MAML1: variants seen among roughly 807,000 people sequenced by gnomAD.
MAML1 encodes mastermind like transcriptional coactivator 1, also known as mastermind-like protein 1.
A neutral mutation model predicts 77.1 loss-of-function variants in MAML1; 14 were observed. That is an observed-to-expected ratio of 0.18 (90% confidence interval 0.12 to 0.28). The LOEUF is 0.28. MAML1 is among the 10% of genes least tolerant of loss of function. MAML1 has a pLI of 1.00. For synonymous variants in MAML1, 516 were observed against 551.9 expected, an observed-to-expected ratio of 0.93 and a Z score of 0.91; for missense variants, 1,217 against 1,327.8, an observed-to-expected ratio of 0.92 and a Z score of 1.30.
Position 179,743,083 on chromosome 5 carries a change from A to T in MAML1, c.315+9656A>T, listed in dbSNP as rs546238724. ...TTTTTTTTTTTTGAGACAGAGTTTC[A>T]CTCCTGTTGCCCAGGCTGGAGTGCA... On this transcript the variant is annotated intron_variant, in intron 1 of 4. Coordinates refer to ENST00000292599, the MANE Select transcript of MAML1 (RefSeq NM_014757.5). Among the ~76,000 whole-genome samples the T allele has an allele frequency of 4.2e-3, 494 of 118,178 alleles. 3 individuals carry two copies. Among genetic ancestry groups the T allele is most frequent in the African/African-American group, 0.015 (461 of 30,062 alleles). The allele number at this position is 118,178 out of a possible 152,430, so 77.5% of individuals were successfully genotyped here. A position where few individuals can be genotyped will look rare whatever the true frequency, so the allele number is the denominator to read the frequency against.
intron 1 of MAML1, among the ~76,000 whole-genome samples, chr5:179,752,338 A>ATATATATATATATAT (rs1451163108): frequency 7.9e-5 from 4 of 50,326 alleles, no homozygotes; most frequent in Non-Finnish European, 4.7e-5. Context: ...AAAAAAAAAA[A>ATATATATATATATAT]AAAAAAAAAA....
intron 1 of MAML1, among the ~76,000 whole-genome samples, chr5:179,736,126 A>G (rs13171831): frequency 0.93 from 141,786 of 152,252 alleles, 66,880 homozygotes; most frequent in East Asian, 1. Flanking sequence ...TGTTTGTTGA[A>G]TTATTGATAG....
intron 1 of MAML1, among the ~76,000 whole-genome samples, chr5:179,740,447 A>ATT (rs1163199441): frequency 4.1e-5 from 6 of 145,606 alleles, no homozygotes; most frequent in Non-Finnish European, 7.6e-5. Flanking sequence ...ATTTTTTTGT[A>ATT]TTTTTTTTTT....
chr5:179,776,960 T>C lies in MAML1; in HGVS notation c.*2083T>C, dbSNP rs1170772002. Reference sequence around the variant, plus strand: ...TCAGAAGAAAAGGGTGCTCAGACTTTTGTTATACACATTTGCTTTGTGTAA... The same window carrying C: ...TCAGAAGAAAAGGGTGCTCAGACTTCTGTTATACACATTTGCTTTGTGTAA... On this transcript the variant is annotated 3_prime_UTR_variant, in exon 5 of 5. Transcript: ENST00000292599. The C allele has an allele frequency of 9.1e-6, 9 of 985,630 alleles. No individual in the cohort carries two copies. Among genetic ancestry groups the C allele is most frequent in the Non-Finnish European group, 1.1e-5 (9 of 829,802 alleles). The allele number at this position is 985,630 out of a possible 1,614,324, so 61.1% of individuals were successfully genotyped here.
At chr5:179,773,595 C>T (rs1004562850) in intron 4 of MAML1, 4 of 298,576 alleles carry the variant, frequency 1.3e-5, no homozygotes, top group South Asian at 1.3e-4. Context: ...TCAGAGTCCC[C>T]GGTGCCCACC....
At chr5:179,753,208 T>TGC (rs1211607025) in intron 1 of MAML1, among the ~76,000 whole-genome samples, 1 of 119,550 alleles carries the variant, frequency 8.4e-6, no homozygotes, top group African/African-American at 2.8e-5. Context: ...TGTGTGTGTG[T>TGC]GTGTGTGTGT....
At chr5:179,770,415 C>A (rs546775004) in intron 3 of MAML1, among the ~76,000 whole-genome samples, 263 of 152,178 alleles carry the variant, frequency 1.7e-3, no homozygotes, top group African/African-American at 6.0e-3. Flanking sequence ...CCACTGCACT[C>A]CAGCCTGGGC....
chr5:179,761,340 G>A (rs566653111), intron 1 of MAML1, among the ~76,000 whole-genome samples: 98 of 152,026 alleles, frequency 6.4e-4, no homozygotes, highest in Non-Finnish European at 1.1e-3. Context: ...GCTGCCATGA[G>A]CCTTGATCAT....
At chr5:179,735,163 TTA>T (rs1779143032) in intron 1 of MAML1, among the ~76,000 whole-genome samples, 1 of 151,978 alleles carries the variant, frequency 6.6e-6, no homozygotes, top group African/African-American at 2.4e-5. Flanking sequence ...ACCCTAAAAC[TTA>T]AAGTATGATA....
intron 1 of MAML1, among the ~76,000 whole-genome samples, chr5:179,752,506 T>TAAAGTTGCA (rs60650992): frequency 6.7e-6 from 1 of 150,124 alleles, no homozygotes; most frequent in Non-Finnish European, 1.5e-5. Context: ...CTAGCAAATT[T>TAAAGTTGCA]TGCCCACACT....
chr5:179,736,964 TTAA>T (rs869217083), intron 1 of MAML1, among the ~76,000 whole-genome samples: 41 of 86,082 alleles, frequency 4.8e-4, no homozygotes, highest in African/African-American at 1.1e-3. Flanking sequence ...CCGTCTCAAA[TTAA>T]AAAAAAAAAA....
chr5:179,761,593 A>T (rs1446761140), intron 1 of MAML1, among the ~76,000 whole-genome samples: 1 of 151,582 alleles, frequency 6.6e-6, no homozygotes, highest in Non-Finnish European at 1.5e-5. Flanking sequence ...TGCTCGAGAG[A>T]CTGAGGCAGG....
At position 179,765,967 on chromosome 5, in the gene MAML1, C is replaced by A. The variant is rs757304194; in HGVS notation, c.957C>A (p.Ala319=). ...AGTTAGGCTCTCCACAAGTGAGGGC[C>A]GGGTCTGCAGGGCAGACCTTTCTGG... The part of the protein sequence containing the change: ...QEQLGSPQVR[A]GSAGQTFLGP... Residue 319 remains alanine (A), a synonymous_variant, in exon 2 of 5, where the codon GCC becomes GCA. Coordinates refer to ENST00000292599, the MANE Select transcript of MAML1 (RefSeq NM_014757.5). 1.9e-6 allele frequency: 3 copies of A among 1,613,704 alleles called. No individual in the cohort carries two copies. The highest frequency in any genetic ancestry group is 2.5e-6 in the Non-Finnish European group (3 of 1,179,854).
rs562765134 is a variant in MAML1, at chr5:179,766,642, C to T, written c.1632C>T (p.Pro544=). The T allele has an allele frequency of 1.2e-6, 2 of 1,612,500 alleles. No individual in the cohort carries two copies. The highest frequency in any genetic ancestry group is 2.2e-5 in the East Asian group (1 of 44,834). Residue 544 remains proline (P), a synonymous_variant, in exon 2 of 5, where the codon CCC becomes CCT. Transcript: ENST00000292599. The surrounding 1 kb of genome is among the most constrained non-coding windows in gnomAD (Gnocchi z 4.0). ...AGCCAGCCCTGATGGCTTATCTTCC[C>T]CAGCAGCTGTCCCATATAAGTCACG... The part of the protein sequence containing the change: ...QSKPALMAYL[P]QQLSHISHEQ...
chr5:179,737,981 A>G (rs1422289376), intron 1 of MAML1, among the ~76,000 whole-genome samples: 2 of 151,448 alleles, frequency 1.3e-5, no homozygotes, highest in Admixed American at 6.6e-5. Context: ...AGTTTTTTGT[A>G]GAGATGGGTG....
At chr5:179,746,337 T>TCA (rs1420642383) in intron 1 of MAML1, among the ~76,000 whole-genome samples, 1 of 151,838 alleles carries the variant, frequency 6.6e-6, no homozygotes, top group Non-Finnish European at 1.5e-5. Flanking sequence ...AGAGCGAGAC[T>TCA]CCGTCTCAAA....
chr5:179,741,272 C>T (rs989096495), intron 1 of MAML1, among the ~76,000 whole-genome samples: 1 of 152,154 alleles, frequency 6.6e-6, no homozygotes, highest in African/African-American at 2.4e-5. Flanking sequence ...ACCTGTATCG[C>T]GGAGCCTAAG....
At chr5:179,760,430 A>G (rs1779704423) in intron 1 of MAML1, among the ~76,000 whole-genome samples, 1 of 152,144 alleles carries the variant, frequency 6.6e-6, no homozygotes, top group African/African-American at 2.4e-5. Context: ...GAGCAGGTGC[A>G]GAGGCCCCAG....
chr5:179,752,248 C>T (rs950105818), intron 1 of MAML1, among the ~76,000 whole-genome samples: 4 of 144,766 alleles, frequency 2.8e-5, no homozygotes, highest in Admixed American at 2.1e-4. Flanking sequence ...ATCGCTTGAA[C>T]GCGGGAGGTG....
Sources: gnomAD v4.1 joint callset for allele counts (sites outside exome capture counted in the v4.1 genomes callset) on GRCh38, gnomAD v4.1.1 for gene constraint, Gnocchi (gnomAD v3.1) non-coding constraint, MANE v1.5 for transcripts, NCBI Gene and HGNC (gene_info 2026-07-23, HGNC 2026-07-21) for gene names.